The following KCNH7 variants were observed in gnomAD, a reference collection of about 807,000 sequenced individuals.
The protein encoded by KCNH7 is potassium voltage-gated channel subfamily H member 7.
A neutral mutation model predicts 120.8 loss-of-function variants in KCNH7; 49 were observed. The observed-to-expected ratio is 0.41, with a 90% CI of 0.32 to 0.51. The LOEUF (loss-of-function observed/expected upper bound fraction) is 0.51. Ranked by LOEUF, KCNH7 falls within the 20% of genes least tolerant of loss-of-function variation. The pLI is 0.38. For missense variants in KCNH7, 1,097 were observed against 1,446.6 expected (o/e 0.76, Z 3.92); for synonymous variants, 547 against 516.1 (o/e 1.06, Z -0.81).
chr2:162,736,585 C>T (rs1687918958), intron 2 of KCNH7, among the ~76,000 whole-genome samples: 1 of 152,174 alleles, frequency 6.6e-6, no homozygotes, highest in South Asian at 2.1e-4. Flanking sequence ...GGCTAAGGGA[C>T]ATTCATACAG....
At chr2:162,638,278 G>A (rs1314715344) in intron 2 of KCNH7, among the ~76,000 whole-genome samples, 1 of 152,040 alleles carries the variant, frequency 6.6e-6, no homozygotes, top group Non-Finnish European at 1.5e-5. Flanking sequence ...GTGCCCTTGG[G>A]AAAGGATTTT....
intron 1 of KCNH7, 112 bp from the exon 2 acceptor site, chr2:162,836,879 A>G (rs1339618514): frequency 1.5e-6 from 1 of 676,436 alleles, no homozygotes; most frequent in African/African-American, 1.8e-5. Flanking sequence ...GCCTCCCCAA[A>G]TTACTAATCT....
At chr2:162,488,309 C>T (rs1375847692) in intron 6 of KCNH7, among the ~76,000 whole-genome samples, 1 of 152,126 alleles carries the variant, frequency 6.6e-6, no homozygotes. Context: ...GATTTTTTGT[C>T]CAACAGAACT....
intron 2 of KCNH7, among the ~76,000 whole-genome samples, chr2:162,682,871 C>T (rs16847111): frequency 0.011 from 1,625 of 151,772 alleles, 25 homozygotes; most frequent in African/African-American, 0.037. Flanking sequence ...AATGTTGGTC[C>T]AGAAAAAACC....
chr2:162,656,441 C>T (rs1055709629), intron 2 of KCNH7, among the ~76,000 whole-genome samples: 5 of 152,168 alleles, frequency 3.3e-5, no homozygotes, highest in African/African-American at 4.8e-5. Context: ...TTGACTTCCC[C>T]TAACTTTCTT....
At chr2:162,726,573 C>G (rs1380520800) in intron 2 of KCNH7, among the ~76,000 whole-genome samples, 1 of 152,102 alleles carries the variant, frequency 6.6e-6, no homozygotes, top group Non-Finnish European at 1.5e-5. Flanking sequence ...GTGCCTGCCA[C>G]CACGCCCAGC....
At chr2:162,751,635 A>G (rs6753049) in intron 2 of KCNH7, among the ~76,000 whole-genome samples, 5,505 of 152,006 alleles carry the variant, frequency 0.036, 355 homozygotes, top group African/African-American at 0.12. Flanking sequence ...TAAAGGACCT[A>G]TTTGCAGATT....
chr2:162,644,573 A>G (rs1684285057), intron 2 of KCNH7, among the ~76,000 whole-genome samples: 1 of 152,186 alleles, frequency 6.6e-6, no homozygotes, highest in Non-Finnish European at 1.5e-5. Flanking sequence ...GTACAAATAT[A>G]AGATTTTATC....
At chr2:162,387,100 A>G (rs940238856) in intron 12 of KCNH7, among the ~76,000 whole-genome samples, 11 of 150,882 alleles carry the variant, frequency 7.3e-5, no homozygotes, top group African/African-American at 2.7e-4. Flanking sequence ...GATATCCTTG[A>G]ATTTTCCCCA....
intron 8 of KCNH7, among the ~76,000 whole-genome samples, chr2:162,430,847 C>T (rs777876996): frequency 1.3e-4 from 20 of 151,494 alleles, no homozygotes; most frequent in South Asian, 1.0e-3. Flanking sequence ...TTCTGGTTTA[C>T]GTGTTTTTAA....
At chr2:162,603,375 TA>T (rs912028707) in intron 2 of KCNH7, among the ~76,000 whole-genome samples, 1 of 152,092 alleles carries the variant, frequency 6.6e-6, no homozygotes, top group Non-Finnish European at 1.5e-5. Context: ...CATTTGTTCT[TA>T]AATTTGCTGA....
intron 2 of KCNH7, among the ~76,000 whole-genome samples, chr2:162,703,859 T>A (rs1686601721): frequency 6.6e-6 from 1 of 152,142 alleles, no homozygotes. Flanking sequence ...AGACACAATA[T>A]ATGATCTCAA....
intron 5 of KCNH7, among the ~76,000 whole-genome samples, chr2:162,511,480 CAAAAAAAAAAAA>C (rs34204046): frequency 1.0e-5 from 1 of 96,008 alleles, no homozygotes; most frequent in African/African-American, 3.8e-5. Flanking sequence ...GTGGACAGGT[CAAAAAAAAAAAA>C]AAAAAAAAAG....
intron 2 of KCNH7, among the ~76,000 whole-genome samples, chr2:162,788,235 A>T (rs983878067): frequency 6.6e-6 from 1 of 152,182 alleles, no homozygotes; most frequent in East Asian, 1.9e-4. Flanking sequence ...TTTACAATTG[A>T]TTGAGATATT....
chr2:162,779,646 C>T (rs1683400894), intron 2 of KCNH7, among the ~76,000 whole-genome samples: 1 of 152,168 alleles, frequency 6.6e-6, no homozygotes, highest in South Asian at 2.1e-4. Flanking sequence ...AATCCAAATG[C>T]CATTTCATTT....
intron 2 of KCNH7, among the ~76,000 whole-genome samples, chr2:162,743,687 C>A (rs889473709): frequency 1.3e-5 from 2 of 151,966 alleles, no homozygotes; most frequent in Non-Finnish European, 2.9e-5. Flanking sequence ...TAGTCTAGAG[C>A]AAATTGTCAA....
chr2:162,384,683 A>G lies in KCNH7; in HGVS notation c.2962+5T>C. On this transcript the variant is annotated splice_donor_5th_base_variant and intron_variant, in intron 13 of 15. Transcript: ENST00000332142. ...GAGACCACCTGATGTCTAACTCTGG[A>G]TTACCTTTGCAAGAGTGACTTCTTT... is the stretch of plus-strand genomic sequence containing the variant. 1 of 1,611,616 alleles carries G rather than the reference A, an allele frequency of 6.2e-7. No homozygotes were observed. The highest frequency in any genetic ancestry group is 8.5e-7 in the Non-Finnish European group (1 of 1,178,530).
intron 6 of KCNH7, among the ~76,000 whole-genome samples, chr2:162,488,083 G>T (rs1391161897): frequency 6.6e-6 from 1 of 152,200 alleles, no homozygotes; most frequent in Non-Finnish European, 1.5e-5. Context: ...CTTCTTTTCT[G>T]TTCCTGGGTC....
intron 2 of KCNH7, among the ~76,000 whole-genome samples, chr2:162,703,272 A>T (rs1686578826): frequency 6.6e-6 from 1 of 152,134 alleles, no homozygotes; most frequent in South Asian, 2.1e-4. Flanking sequence ...CCTAAATTAC[A>T]GTGAGCTTAA....
Sources: allele counts gnomAD v4.1 joint callset (sites outside exome capture counted in the v4.1 genomes callset), GRCh38; gene constraint gnomAD v4.1.1; transcripts MANE v1.5; gene names NCBI Gene and HGNC (gene_info 2026-07-23, HGNC 2026-07-21).